Variants in AGMO observed in about 807,000 individuals in gnomAD.
The protein encoded by AGMO is alkylglycerol monooxygenase.
A neutral mutation model predicts 60.2 loss-of-function variants in AGMO; 75 were observed. The ratio of observed to expected loss-of-function variants is 1.25; its 90% CI spans 1.03 to 1.51. AGMO has a LOEUF of 1.51. Among genes scored for constraint, AGMO ranks in the 40% most tolerant of loss-of-function variants. The pLI, the probability that AGMO is intolerant of heterozygous loss-of-function variation, is 0.00. For missense variants in AGMO, 763 were observed against 525.5 expected (o/e 1.45, Z -4.42); for synonymous variants, 261 against 177.1 (o/e 1.47, Z -3.76).
intron 3 of AGMO, among the ~76,000 whole-genome samples, chr7:15,511,213 C>T (rs1357734900): frequency 6.6e-6 from 1 of 152,130 alleles, no homozygotes; most frequent in African/African-American, 2.4e-5. Flanking sequence ...GGCACTCACA[C>T]ACCCACCCAC....
At chr7:15,384,366 A>G (rs1437567359) in intron 10 of AGMO, among the ~76,000 whole-genome samples, 1 of 152,244 alleles carries the variant, frequency 6.6e-6, no homozygotes, top group Non-Finnish European at 1.5e-5. Flanking sequence ...TAGGACAACT[A>G]TCAGAATATA....
intron 12 of AGMO, among the ~76,000 whole-genome samples, chr7:15,339,860 T>C (rs1327509531): frequency 6.6e-6 from 1 of 152,240 alleles, no homozygotes; most frequent in Non-Finnish European, 1.5e-5. Context: ...ATCGTAATTT[T>C]TAGCCCTATT....
the AGMO span, among the ~76,000 whole-genome samples, chr7:15,149,643 G>A: frequency 1.0e-3 from 159 of 152,110 alleles, no homozygotes; most frequent in Non-Finnish European, 1.7e-3. Context: ...CTTTATTTCT[G>A]GGTTCTCTAA....
At chr7:15,520,069 T>A (rs1783937862) in intron 3 of AGMO, among the ~76,000 whole-genome samples, 1 of 150,414 alleles carries the variant, frequency 6.6e-6, no homozygotes, top group South Asian at 2.1e-4. Context: ...TAAAACATAT[T>A]TTACACCAAC....
At chr7:15,274,859 T>C (rs1178242958) in intron 12 of AGMO, among the ~76,000 whole-genome samples, 2 of 151,986 alleles carry the variant, frequency 1.3e-5, no homozygotes, top group Non-Finnish European at 2.9e-5. Context: ...TTTATAATAG[T>C]CTCTAATCAT....
chr7:15,541,449 A>G (rs937082040), intron 3 of AGMO, among the ~76,000 whole-genome samples: 3 of 152,178 alleles, frequency 2.0e-5, no homozygotes, highest in Non-Finnish European at 4.4e-5. Flanking sequence ...GGAGGAAAAG[A>G]GTGCACAAAG....
At chr7:15,492,708 T>C (rs188404990) in intron 3 of AGMO, among the ~76,000 whole-genome samples, 4 of 152,190 alleles carry the variant, frequency 2.6e-5, no homozygotes, top group East Asian at 3.9e-4. Context: ...AACACTAATA[T>C]AGTGCTTGAG....
chr7:15,129,024 G>A, the AGMO span, among the ~76,000 whole-genome samples: 25 of 152,180 alleles, frequency 1.6e-4, no homozygotes, highest in Admixed American at 8.5e-4. Flanking sequence ...GGGTGGTGGT[G>A]GGCTTACTAG....
chr7:15,354,324 A>ACG (rs1782373712), intron 12 of AGMO, among the ~76,000 whole-genome samples: 6 of 75,518 alleles, frequency 7.9e-5, no homozygotes, highest in Non-Finnish European at 7.1e-5. Flanking sequence ...GCGTGTATAT[A>ACG]CGTACGCGTG....
intron 12 of AGMO, among the ~76,000 whole-genome samples, chr7:15,229,146 T>C (rs952316829): frequency 3.3e-5 from 5 of 152,090 alleles, no homozygotes; most frequent in Non-Finnish European, 4.4e-5. Flanking sequence ...CTGGGTCCCA[T>C]TCCTGCTCCA....
At chr7:15,434,163 G>A (rs1465824644) in intron 3 of AGMO, among the ~76,000 whole-genome samples, 1 of 151,980 alleles carries the variant, frequency 6.6e-6, no homozygotes, top group African/African-American at 2.4e-5. Flanking sequence ...TTCAAGTTCT[G>A]GACTTTGAAC....
At position 15,231,416 on chromosome 7, in the gene AGMO, C is replaced by A. The variant is rs576650567; in HGVS notation, c.1264-30057G>T. The stretch of plus-strand genomic sequence containing the variant: ...GGGCCCCAACATTCTCTCCCTATCT[C>A]AAAGCATAGATCAAATTGGCATCCC... On this transcript the variant is annotated intron_variant, in intron 12 of 12. Coordinates refer to ENST00000342526, the MANE Select transcript of AGMO (RefSeq NM_001004320.2). Among the ~76,000 whole-genome samples the A allele has an allele frequency of 1.2e-3, 189 of 152,322 alleles. 1 individual carries two copies. Among genetic ancestry groups the A allele is most frequent in the Non-Finnish European group, 2.0e-3 (138 of 68,018 alleles).
chr7:15,441,053 T>C (rs1165268616), intron 3 of AGMO, among the ~76,000 whole-genome samples: 4 of 152,222 alleles, frequency 2.6e-5, no homozygotes, highest in Non-Finnish European at 5.9e-5. Flanking sequence ...ATAATATTTT[T>C]GATGACATGC....
At chr7:15,268,630 T>C (rs917609942) in intron 12 of AGMO, among the ~76,000 whole-genome samples, 4 of 152,024 alleles carry the variant, frequency 2.6e-5, no homozygotes, top group African/African-American at 9.7e-5. Context: ...TGTGGAAATT[T>C]TCTGTGAAGA....
intron 12 of AGMO, among the ~76,000 whole-genome samples, chr7:15,226,624 T>A (rs1281249642): frequency 6.6e-6 from 1 of 152,042 alleles, no homozygotes; most frequent in Non-Finnish European, 1.5e-5. Flanking sequence ...AGAGAAATAC[T>A]CTCTCTGCAT....
At chr7:15,416,190 C>T (rs1193314090) in intron 5 of AGMO, among the ~76,000 whole-genome samples, 1 of 151,768 alleles carries the variant, frequency 6.6e-6, no homozygotes, top group African/African-American at 2.4e-5. Flanking sequence ...CGCACCACCA[C>T]ACCCAACTAA....
At chr7:15,188,005 G>A in the AGMO span, among the ~76,000 whole-genome samples, 1 of 152,032 alleles carries the variant, frequency 6.6e-6, no homozygotes, top group Non-Finnish European at 1.5e-5. Context: ...CCTTATGTCT[G>A]TTCTCACACT....
At chr7:15,486,711 T>G (rs1055053826) in intron 3 of AGMO, among the ~76,000 whole-genome samples, 1 of 152,202 alleles carries the variant, frequency 6.6e-6, no homozygotes, top group Non-Finnish European at 1.5e-5. Flanking sequence ...AATGTTCGCT[T>G]TAGATTTCTA....
intron 12 of AGMO, among the ~76,000 whole-genome samples, chr7:15,342,691 A>G (rs1390415433): frequency 6.7e-6 from 1 of 148,598 alleles, no homozygotes; most frequent in Non-Finnish European, 1.5e-5. Context: ...CATTAAATAC[A>G]TATTTAGAAA....
Sources: allele counts gnomAD v4.1 joint callset (sites outside exome capture counted in the v4.1 genomes callset), GRCh38; gene constraint gnomAD v4.1.1; transcripts MANE v1.5; gene names NCBI Gene and HGNC (gene_info 2026-07-23, HGNC 2026-07-21).